The following TTLL5 variants were observed in gnomAD, a reference collection of about 807,000 sequenced individuals.
TTLL5 encodes the protein tubulin polyglutamylase TTLL5.
In TTLL5, 132 loss-of-function variants were observed where a neutral mutation model predicts 168.4. The ratio of observed to expected loss-of-function variants is 0.78; its 90% CI spans 0.68 to 0.91. TTLL5 has a LOEUF of 0.91. Among genes scored for constraint, TTLL5 ranks in the 40% least tolerant of loss-of-function variants. The pLI is 0.00. For synonymous variants in TTLL5, 546 were observed against 558.6 expected, an observed-to-expected ratio of 0.98 and a Z score of 0.32; for missense variants, 1,545 against 1,581.5, an observed-to-expected ratio of 0.98 and a Z score of 0.39.
rs544721757 is a variant in TTLL5, at chr14:75,702,272, G to T, written c.585+3002G>T. Among the ~76,000 whole-genome samples, 5 of 152,304 alleles carry T rather than the reference G, an allele frequency of 3.3e-5. No individual in the cohort carries two copies. The East Asian group carries it at 7.7e-4, about 24-fold the overall frequency. On this transcript the variant is annotated intron_variant, in intron 7 of 31. Transcript: ENST00000298832. ...CATAAGGCCATGGTCATATGCCTTGGCTCTGTCTCCTCTTGTCTCTGCTCT... is the reference window on the plus strand; with the variant it reads ...CATAAGGCCATGGTCATATGCCTTGTCTCTGTCTCCTCTTGTCTCTGCTCT...
At chr14:75,874,185 A>T (rs2031274612) in intron 29 of TTLL5, among the ~76,000 whole-genome samples, 1 of 152,172 alleles carries the variant, frequency 6.6e-6, no homozygotes, top group South Asian at 2.1e-4. Flanking sequence ...TCCACCTCCC[A>T]GGTTCACACC....
intron 30 of TTLL5, among the ~76,000 whole-genome samples, chr14:75,897,155 C>A (rs1457858520): frequency 7.3e-6 from 1 of 136,772 alleles, no homozygotes; most frequent in Non-Finnish European, 1.6e-5. Flanking sequence ...GAATAATGCT[C>A]ATTTGAGGTG....
In TTLL5 at chr14:75,833,752, T is replaced by C. The variant is rs147268598; in HGVS notation, c.3326+13591T>C. On this transcript the variant is annotated intron_variant, in intron 28 of 31. Coordinates refer to ENST00000298832, the MANE Select transcript of TTLL5 (RefSeq NM_015072.5). ...CTTACCCATACCCATACATTAGAAATGTTAAAAATGGAGACCCAGAGAAAT... is the reference window on the plus strand; with the variant it reads ...CTTACCCATACCCATACATTAGAAACGTTAAAAATGGAGACCCAGAGAAAT... 7.0e-3 allele frequency among the ~76,000 whole-genome samples: 1,066 copies of C among 152,280 alleles called. 15 individuals are homozygous for C. The highest frequency in any genetic ancestry group is 0.024 in the African/African-American group (1,015 of 41,552).
intron 9 of TTLL5, among the ~76,000 whole-genome samples, chr14:75,713,998 A>G (rs1030009273): frequency 6.6e-6 from 1 of 151,768 alleles, no homozygotes; most frequent in East Asian, 1.9e-4. Context: ...CAAGGATCAC[A>G]TGTTGTATTT....
chr14:75,764,406 A>G (rs921366838), intron 18 of TTLL5, among the ~76,000 whole-genome samples: 1 of 152,166 alleles, frequency 6.6e-6, no homozygotes, highest in South Asian at 2.1e-4. Flanking sequence ...TTAGCTGCAT[A>G]TTTTTTTAGA....
intron 13 of TTLL5, among the ~76,000 whole-genome samples, chr14:75,733,520 A>G (rs1888683682): frequency 6.6e-6 from 1 of 152,048 alleles, no homozygotes; most frequent in Non-Finnish European, 1.5e-5. Context: ...TTTAGAGCAG[A>G]CAATAAAGAC....
intron 28 of TTLL5, among the ~76,000 whole-genome samples, chr14:75,821,496 T>G (rs1894829942): frequency 6.6e-6 from 1 of 152,232 alleles, no homozygotes; most frequent in Non-Finnish European, 1.5e-5. Flanking sequence ...CACTGCAATT[T>G]TGGATATAAT....
rs867199726 is a variant in TTLL5, at chr14:75,661,277, G to C, written c.-206G>C. 6 of 152,248 alleles carry C rather than the reference G, an allele frequency of 3.9e-5. No homozygotes were observed. The highest frequency in any genetic ancestry group is 3.9e-4 in the East Asian group (2 of 5,188). The allele number at this position is 152,248 out of a possible 1,614,324, so 9.4% of individuals were successfully genotyped here. Reference sequence around the variant, plus strand: ...TTGCTTGTTGGTTGTTGTAGTAACCGGGGAAGCAGCCGTCGGCGGCTGCCC... The same window carrying C: ...TTGCTTGTTGGTTGTTGTAGTAACCCGGGAAGCAGCCGTCGGCGGCTGCCC... On this transcript the variant is annotated 5_prime_UTR_variant, in exon 1 of 32. Transcript: ENST00000298832.
At chr14:75,913,207 A>G (rs966789735) in intron 31 of TTLL5, among the ~76,000 whole-genome samples, 1 of 152,248 alleles carries the variant, frequency 6.6e-6, no homozygotes, top group African/African-American at 2.4e-5. Flanking sequence ...ATCATGTGGC[A>G]TGTTGATTGT....
At chr14:75,723,022 G>T (rs551191300) in intron 12 of TTLL5, among the ~76,000 whole-genome samples, 3 of 152,178 alleles carry the variant, frequency 2.0e-5, no homozygotes, top group Admixed American at 6.5e-5. Flanking sequence ...TCTGTATGTT[G>T]TCTGGTAGTC....
chr14:75,771,068 A>G (rs1024206873), intron 20 of TTLL5, among the ~76,000 whole-genome samples: 2 of 152,210 alleles, frequency 1.3e-5, no homozygotes, highest in Admixed American at 1.3e-4. Flanking sequence ...TCTCATTAAT[A>G]CAGTGGTTTT....
intron 15 of TTLL5, among the ~76,000 whole-genome samples, chr14:75,743,051 G>A (rs1391473280): frequency 2.2e-4 from 33 of 152,126 alleles, no homozygotes; most frequent in Non-Finnish European, 1.5e-4. Context: ...GCACTTTCAC[G>A]TATTTGTTTG....
chr14:75,705,345 C>G (rs186478729), intron 7 of TTLL5, among the ~76,000 whole-genome samples: 1 of 152,224 alleles, frequency 6.6e-6, no homozygotes, highest in East Asian at 1.9e-4. Context: ...TGTTATAGGT[C>G]ACAAAATTAT....
intron 31 of TTLL5, among the ~76,000 whole-genome samples, chr14:75,913,037 ATTGC>A (rs1435097014): frequency 2.6e-5 from 4 of 152,204 alleles, no homozygotes; most frequent in African/African-American, 9.7e-5. Context: ...CTCTCAATTG[ATTGC>A]TTGATAAGAA....
intron 23 of TTLL5, among the ~76,000 whole-genome samples, chr14:75,777,330 C>T (rs1786705734): frequency 6.6e-6 from 1 of 152,172 alleles, no homozygotes; most frequent in African/African-American, 2.4e-5. Context: ...CTGACCTACT[C>T]ATGGAGTAGA....
intron 31 of TTLL5, among the ~76,000 whole-genome samples, chr14:75,914,033 A>AAAATATATATATATATATAT: frequency 1.4e-5 from 1 of 71,118 alleles, no homozygotes; most frequent in Non-Finnish European, 2.1e-5. Context: ...AAAAAAAAAA[A>AAAATATATATATATATATAT]ATATATATAT....
rs940765958 is a variant in TTLL5, at chr14:75,699,094, A to T, written c.503-94A>T. 9 of 1,117,430 alleles carry T rather than the reference A, an allele frequency of 8.1e-6. No individual in the cohort carries two copies. In the African/African-American group the frequency reaches 1.4e-4, roughly 17 times the overall value. The allele number at this position is 1,117,430 out of a possible 1,614,324, so 69.2% of individuals were successfully genotyped here. A position where few individuals can be genotyped will look rare whatever the true frequency, so the allele number is the denominator to read the frequency against. The stretch of plus-strand genomic sequence containing the variant: ...ATTTGTAAGATTTTTGGGTTCCCTG[A>T]GTAGATAACCCTTTTTGAAAGTTGA... On this transcript the variant is annotated intron_variant, in intron 6 of 31. Transcript: ENST00000298832.
rs1234999111 is a variant in TTLL5, at chr14:75,882,824, C to A, written c.3662C>A (p.Ser1221Tyr). ...CAAAAAGTGGTACCACCTCCAAGTT[C>A]TTGCGCCTCCCTGGTTCCCAAACCC... is the stretch of plus-strand genomic sequence containing the variant. Reference protein sequence around the residue: ...LPQKVVPPPSSCASLVPKPPP... With the variant: ...LPQKVVPPPSYCASLVPKPPP... The change falls in exon 30 of 32, where the codon TCT becomes TAT. Residue 1221 changes from serine to tyrosine, a missense_variant. Ser to Tyr is a moderately radical substitution (Grantham distance 144, BLOSUM62 -2). Transcript: ENST00000298832. 7 of 1,614,074 alleles carry A rather than the reference C, an allele frequency of 4.3e-6. No individual in the cohort carries two copies. Among genetic ancestry groups the A allele is most frequent in the Non-Finnish European group, 5.9e-6 (7 of 1,180,056 alleles).
intron 31 of TTLL5, among the ~76,000 whole-genome samples, chr14:75,925,025 A>G (rs1165970441): frequency 2.1e-5 from 3 of 140,824 alleles, no homozygotes; most frequent in Admixed American, 1.4e-4. Flanking sequence ...CTCACTTCCC[A>G]GTAGGGGCGG....
Sources: gnomAD v4.1 joint callset for allele counts (sites outside exome capture counted in the v4.1 genomes callset) on GRCh38, gnomAD v4.1.1 for gene constraint, MANE v1.5 for transcripts, NCBI Gene and HGNC (gene_info 2026-07-23, HGNC 2026-07-21) for gene names.